SLC1A3: variants seen among roughly 807,000 people sequenced by gnomAD.
SLC1A3 encodes excitatory amino acid transporter 1.
Under a neutral mutation model 48.1 loss-of-function variants are expected in SLC1A3, and 21 were observed. The ratio of observed to expected loss-of-function variants is 0.44; its 90% CI spans 0.31 to 0.63. The LOEUF (loss-of-function observed/expected upper bound fraction) is 0.63. SLC1A3 is among the 20% of genes least tolerant of loss of function. The probability of loss-of-function intolerance (pLI) is 0.08; values close to 1 mark genes in which losing one functional copy is unlikely to be tolerated. For missense variants in SLC1A3, 546 were observed against 689.0 expected, an observed-to-expected ratio of 0.79 and a Z score of 2.32; for synonymous variants, 239 against 251.4, an observed-to-expected ratio of 0.95 and a Z score of 0.47.
At chr5:36,673,518 A>T (rs967304643) in intron 4 of SLC1A3, among the ~76,000 whole-genome samples, 1 of 152,200 alleles carries the variant, frequency 6.6e-6, no homozygotes, top group African/African-American at 2.4e-5. Flanking sequence ...TTTGCAGGTC[A>T]TCTCTCCATT....
At chr5:36,674,136 T>C in intron 5 of SLC1A3, 45 bp downstream of exon 5, 1 of 1,514,464 alleles carries the variant, frequency 6.6e-7, no homozygotes, top group Non-Finnish European at 9.2e-7. Context: ...ATTCCTCTTT[T>C]CTATACCAAA....
In SLC1A3 at chr5:36,686,720, A is replaced by T. The variant is rs141530300; in HGVS notation, c.*451A>T. The T allele has an allele frequency of 3.8e-6, 1 of 263,200 alleles. No individual in the cohort carries two copies. The highest frequency in any genetic ancestry group is 7.4e-6 in the Non-Finnish European group (1 of 135,356). The allele number at this position is 263,200 out of a possible 1,614,324, so 16.3% of individuals were successfully genotyped here. A position where few individuals can be genotyped will look rare whatever the true frequency, so the allele number is the denominator to read the frequency against. On this transcript the variant is annotated 3_prime_UTR_variant, in exon 10 of 10. Coordinates refer to ENST00000265113, the MANE Select transcript of SLC1A3 (RefSeq NM_004172.5). ...AATTACAACCGGTTATCAGTTGGAC[A>T]GTAAGATTTTATCCCTTTCTCTTCT...
chr5:36,652,325 T>TACACAC (rs3051477), intron 3 of SLC1A3, among the ~76,000 whole-genome samples: 1 of 150,526 alleles, frequency 6.6e-6, no homozygotes, highest in African/African-American at 2.4e-5. Flanking sequence ...CACACACACA[T>TACACAC]ACACACACAC....
At chr5:36,600,704 T>G (rs1738798105) in intron 1 of SLC1A3, among the ~76,000 whole-genome samples, 1 of 152,224 alleles carries the variant, frequency 6.6e-6, no homozygotes, top group Non-Finnish European at 1.5e-5. Context: ...AGGGGATTGT[T>G]AAGCATTCTG....
chr5:36,672,420 G>A (rs1742034813), intron 4 of SLC1A3, among the ~76,000 whole-genome samples: 1 of 152,190 alleles, frequency 6.6e-6, no homozygotes. Flanking sequence ...CATCTGCTCA[G>A]CATTCCCCCA....
intron 2 of SLC1A3, among the ~76,000 whole-genome samples, chr5:36,617,415 C>CTTTT (rs34710652): frequency 3.5e-5 from 2 of 57,680 alleles, no homozygotes; most frequent in African/African-American, 1.3e-4. Flanking sequence ...AGGTTGCGGG[C>CTTTT]TTTTTTTTTT....
At chr5:36,670,199 G>GC (rs1284506324) in intron 3 of SLC1A3, among the ~76,000 whole-genome samples, 1 of 152,152 alleles carries the variant, frequency 6.6e-6, no homozygotes, top group Non-Finnish European at 1.5e-5. Context: ...TAAAAGTCAT[G>GC]CCTCCTTTTT....
intron 3 of SLC1A3, among the ~76,000 whole-genome samples, chr5:36,660,546 C>T (rs925056936): frequency 3.9e-5 from 6 of 152,158 alleles, no homozygotes; most frequent in Admixed American, 6.5e-5. Flanking sequence ...GCCCTTGGAC[C>T]TGGGGGCAAA....
chr5:36,634,442 T>C (rs145043017), intron 3 of SLC1A3, among the ~76,000 whole-genome samples: 1 of 152,206 alleles, frequency 6.6e-6, no homozygotes, highest in African/African-American at 2.4e-5. Flanking sequence ...TGATTTAATA[T>C]TAATTAAGGT....
intron 3 of SLC1A3, among the ~76,000 whole-genome samples, chr5:36,653,618 C>A (rs919982029): frequency 2.6e-5 from 4 of 152,166 alleles, no homozygotes; most frequent in Admixed American, 1.3e-4. Context: ...TCCCAAGTGC[C>A]TCTCTCCTGG....
chr5:36,662,199 T>G (rs1308864914), intron 3 of SLC1A3, among the ~76,000 whole-genome samples: 1 of 152,128 alleles, frequency 6.6e-6, no homozygotes, highest in Non-Finnish European at 1.5e-5. Flanking sequence ...CCATCAGTGG[T>G]CCTGGTGCTG....
chr5:36,670,450 T>C (rs1035706438), intron 3 of SLC1A3, among the ~76,000 whole-genome samples: 2 of 152,104 alleles, frequency 1.3e-5, no homozygotes, highest in African/African-American at 4.8e-5. Context: ...TAAATGCAAA[T>C]TGAAGATAGA....
intron 1 of SLC1A3, among the ~76,000 whole-genome samples, chr5:36,597,344 T>G (rs1465904616): frequency 7.2e-6 from 1 of 139,506 alleles, no homozygotes; most frequent in Non-Finnish European, 1.5e-5. Context: ...CCTCCCGGGT[T>G]CACGCCATTC....
chr5:36,666,338 A>G (rs554598849), intron 3 of SLC1A3: 1 of 152,350 alleles, frequency 6.6e-6, no homozygotes, highest in African/African-American at 2.4e-5. Flanking sequence ...GGTTGAGAAC[A>G]GGCGTCTTTC....
intron 8 of SLC1A3, among the ~76,000 whole-genome samples, chr5:36,682,182 A>C (rs1742465588): frequency 2.0e-5 from 3 of 152,226 alleles, no homozygotes; most frequent in Non-Finnish European, 2.9e-5. Context: ...TACAGATTTT[A>C]CTTCCAGACC....
chr5:36,613,033 G>A (rs1355583366), intron 2 of SLC1A3: 1 of 343,268 alleles, frequency 2.9e-6, no homozygotes, highest in Non-Finnish European at 5.8e-6. Context: ...GTGGCAGAGT[G>A]GCTGATGATG....
chr5:36,596,678 G>C (rs1476837957), exon 1 of SLC1A3, among the ~76,000 whole-genome samples: 1 of 152,144 alleles, frequency 6.6e-6, no homozygotes, highest in African/African-American at 2.4e-5. Context: ...GGGCTTGAGG[G>C]GTGAGTTCCA....
chr5:36,650,285 G>A (rs1741009458), intron 3 of SLC1A3, among the ~76,000 whole-genome samples: 1 of 152,194 alleles, frequency 6.6e-6, no homozygotes, highest in African/African-American at 2.4e-5. Flanking sequence ...TTATCCATCT[G>A]TAAAAGAGGA....
chr5:36,621,252 T>C (rs866637136), intron 2 of SLC1A3, among the ~76,000 whole-genome samples: 2 of 152,186 alleles, frequency 1.3e-5, no homozygotes, highest in Middle Eastern at 3.4e-3. Context: ...GTGGGAATGA[T>C]GTTTTAGGCA....
Sources: gnomAD v4.1 joint callset for allele counts (sites outside exome capture counted in the v4.1 genomes callset) on GRCh38, gnomAD v4.1.1 for gene constraint, MANE v1.5 for transcripts, NCBI Gene and HGNC (gene_info 2026-07-23, HGNC 2026-07-21) for gene names.